LYPD6B: variants seen among roughly 807,000 people sequenced by gnomAD.
LYPD6B encodes LY6/PLAUR domain containing 6B.
A neutral mutation model predicts 22.8 loss-of-function variants in LYPD6B; 17 were observed. The observed-to-expected ratio is 0.75, with a 90% CI of 0.51 to 1.12. The LOEUF is 1.12. Ranked by LOEUF, LYPD6B falls within the 50% of genes most tolerant of loss-of-function variation. LYPD6B has a pLI of 0.00. For synonymous variants in LYPD6B, 106 were observed against 91.6 expected, an observed-to-expected ratio of 1.16 and a Z score of -0.90; for missense variants, 221 against 258.3, an observed-to-expected ratio of 0.86 and a Z score of 0.99.
At chr2:149,160,523 G>T (rs1426638018) in intron 2 of LYPD6B, 1 of 619,200 alleles carries the variant, frequency 1.6e-6, no homozygotes. Context: ...ATTAGATGGG[G>T]CCCAGGTGTG....
intron 3 of LYPD6B, among the ~76,000 whole-genome samples, chr2:149,197,953 C>A (rs1277100976): frequency 6.6e-6 from 1 of 152,096 alleles, no homozygotes; most frequent in Non-Finnish European, 1.5e-5. Context: ...ACCATTTGTC[C>A]AAATAGTTGG....
At chr2:149,095,077 C>T (rs1008245236) in intron 1 of LYPD6B, among the ~76,000 whole-genome samples, 7 of 152,114 alleles carry the variant, frequency 4.6e-5, no homozygotes, top group Non-Finnish European at 5.9e-5. Flanking sequence ...GGGTGGATCA[C>T]CTGAGGTCAG....
chr2:149,214,845 G>C lies in LYPD6B; in HGVS notation c.*135G>C. ...ACATTGGACCTCAAGGCGAAAGCCA[G>C]TGGTTTGCTTGGATAAAATGTTCCC... On this transcript the variant is annotated 3_prime_UTR_variant, in exon 7 of 7. Coordinates refer to ENST00000409642, the MANE Select transcript of LYPD6B (RefSeq NM_177964.5). 2 of 953,950 alleles carry C rather than the reference G, an allele frequency of 2.1e-6. No homozygotes were observed. The highest frequency in any genetic ancestry group is 3.3e-6 in the Non-Finnish European group (2 of 614,032). The allele number at this position is 953,950 out of a possible 1,614,324, so 59.1% of individuals were successfully genotyped here.
At chr2:149,080,867 A>AAAAAAAAAAAAAT (rs1491182913) in intron 1 of LYPD6B, among the ~76,000 whole-genome samples, 1 of 108,684 alleles carries the variant, frequency 9.2e-6, no homozygotes, top group Admixed American at 9.1e-5. Context: ...AAAAAAAAAA[A>AAAAAAAAAAAAAT]CCACACAAAA....
chr2:149,072,661 C>T lies in LYPD6B; in HGVS notation c.-67+33860C>T, dbSNP rs138989923. Among the ~76,000 whole-genome samples the T allele has an allele frequency of 8.7e-3, 1,327 of 152,030 alleles. 22 individuals are homozygous for T. Among genetic ancestry groups the T allele is most frequent in the African/African-American group, 0.03 (1,227 of 41,452 alleles). On this transcript the variant is annotated intron_variant, in intron 1 of 6. Transcript: ENST00000409642. Reference sequence around the variant, plus strand: ...AAGCGATTCTTGTGCCTCAGCCTCCCCGGTAGCTGGGATTACAGGTGAGTG... The same window carrying T: ...AAGCGATTCTTGTGCCTCAGCCTCCTCGGTAGCTGGGATTACAGGTGAGTG...
At chr2:149,202,629 C>T (rs1452290785) in intron 3 of LYPD6B, among the ~76,000 whole-genome samples, 1 of 152,098 alleles carries the variant, frequency 6.6e-6, no homozygotes, top group Non-Finnish European at 1.5e-5. Flanking sequence ...CTGTTTTCTC[C>T]CTCTAAAATG....
At chr2:149,154,019 G>A in intron 2 of LYPD6B, 2 of 955,828 alleles carry the variant, frequency 2.1e-6, no homozygotes, top group Non-Finnish European at 2.5e-6. Flanking sequence ...TAGGAGGATG[G>A]TGATTCTAAT....
At chr2:149,145,475 G>A (rs546842826) in intron 2 of LYPD6B, among the ~76,000 whole-genome samples, 3 of 152,274 alleles carry the variant, frequency 2.0e-5, no homozygotes, top group African/African-American at 4.8e-5. Flanking sequence ...GGGAAGATAC[G>A]GTGAACACAC....
chr2:149,059,326 C>T (rs1385240316), intron 1 of LYPD6B, among the ~76,000 whole-genome samples: 1 of 152,220 alleles, frequency 6.6e-6, no homozygotes, highest in Non-Finnish European at 1.5e-5. Flanking sequence ...AGTACAGGGA[C>T]TTTTGCGTTG....
At chr2:149,087,064 G>A (rs1410447162) in intron 1 of LYPD6B, among the ~76,000 whole-genome samples, 1 of 151,896 alleles carries the variant, frequency 6.6e-6, no homozygotes, top group Non-Finnish European at 1.5e-5. Flanking sequence ...AGGCACTTGG[G>A]TATTAGGACT....
chr2:149,189,342 T>TTATATATATATAATTATATATATATA (rs1553500264), intron 3 of LYPD6B, among the ~76,000 whole-genome samples: 4 of 66,110 alleles, frequency 6.1e-5, no homozygotes, highest in Non-Finnish European at 1.2e-4. Context: ...TTGTCCAAAA[T>TTATATATATATAATTATATATATATA]TATATATATA....
intron 1 of LYPD6B, among the ~76,000 whole-genome samples, chr2:149,128,416 A>T (rs1204878475): frequency 1.3e-5 from 2 of 152,238 alleles, no homozygotes; most frequent in African/African-American, 2.4e-5. Flanking sequence ...ACTTTCTGAA[A>T]ACTGCTTCCT....
chr2:149,198,046 T>C (rs1040054306), intron 3 of LYPD6B, among the ~76,000 whole-genome samples: 1 of 147,720 alleles, frequency 6.8e-6, no homozygotes, highest in Admixed American at 6.8e-5. Flanking sequence ...TTTTTTTTTT[T>C]CTTTTCTTTT....
At chr2:149,208,460 A>T (rs1431629939) in intron 5 of LYPD6B, 48 bp downstream of exon 5, 3 of 1,385,274 alleles carry the variant, frequency 2.2e-6, no homozygotes, top group Non-Finnish European at 3.1e-6. Flanking sequence ...TTTCATTTGA[A>T]TCTCTCCTGA....
intron 1 of LYPD6B, among the ~76,000 whole-genome samples, chr2:149,112,861 G>A (rs888821828): frequency 2.0e-5 from 3 of 152,108 alleles, no homozygotes; most frequent in African/African-American, 4.8e-5. Flanking sequence ...ATAACTGATG[G>A]TTATTTTCCA....
intron 1 of LYPD6B, among the ~76,000 whole-genome samples, chr2:149,074,881 G>A (rs1684809082): frequency 6.6e-6 from 1 of 152,144 alleles, no homozygotes; most frequent in African/African-American, 2.4e-5. Context: ...AGAATGTACA[G>A]TGAGAATCCC....
At chr2:149,189,342 T>TATATATATATATA (rs1692328364) in intron 3 of LYPD6B, among the ~76,000 whole-genome samples, 3 of 66,110 alleles carry the variant, frequency 4.5e-5, no homozygotes, top group African/African-American at 6.1e-5. Context: ...TTGTCCAAAA[T>TATATATATATATA]TATATATATA....
At chr2:149,052,999 A>G (rs1012667623) in intron 1 of LYPD6B, among the ~76,000 whole-genome samples, 13 of 152,318 alleles carry the variant, frequency 8.5e-5, no homozygotes, top group Middle Eastern at 3.4e-3. Flanking sequence ...TTGGGAGGCT[A>G]TTGAGCACTT....
In LYPD6B at chr2:149,104,928, C is replaced by T. The variant is rs73963485; in HGVS notation, c.-66-25955C>T. On this transcript the variant is annotated intron_variant, in intron 1 of 6. Transcript: ENST00000409642. ...AAGAAAGTTTAAAATTTATAATTGA[C>T]ACATAATTATGCATATTTATGGGGT... Among the ~76,000 whole-genome samples, 1,041 of 152,146 alleles carry T rather than the reference C, an allele frequency of 6.8e-3. 16 individuals carry two copies. Among genetic ancestry groups the T allele is most frequent in the African/African-American group, 0.023 (956 of 41,526 alleles).
Sources: allele counts gnomAD v4.1 joint callset (sites outside exome capture counted in the v4.1 genomes callset), GRCh38; gene constraint gnomAD v4.1.1; transcripts MANE v1.5; gene names NCBI Gene and HGNC (gene_info 2026-07-23, HGNC 2026-07-21).